RTN4: variants seen among roughly 807,000 people sequenced by gnomAD.
RTN4 encodes reticulon 4, also known as reticulon-4.
In RTN4, 32 loss-of-function variants were observed where a neutral mutation model predicts 90.4. That is an observed-to-expected ratio of 0.35 (90% CI 0.27 to 0.48). RTN4 has a LOEUF of 0.48. Among genes scored for constraint, RTN4 ranks in the 20% least tolerant of loss-of-function variants. RTN4 has a pLI of 0.99. For synonymous variants in RTN4, 629 were observed against 552.5 expected, an observed-to-expected ratio of 1.14 and a Z score of -1.94; for missense variants, 1,706 against 1,430.2, an observed-to-expected ratio of 1.19 and a Z score of -3.11.
chr2:54,992,141 C>T (rs1374810722), intron 3 of RTN4, among the ~76,000 whole-genome samples: 2 of 152,146 alleles, frequency 1.3e-5, no homozygotes, highest in East Asian at 3.9e-4. Flanking sequence ...CTGGGAAACA[C>T]AGAGACCCCT....
chr2:55,071,119 C>G (rs1171895687), intron 2 of RTN4, among the ~76,000 whole-genome samples: 1 of 150,304 alleles, frequency 6.7e-6, no homozygotes, highest in African/African-American at 2.4e-5. Context: ...TTTGAAACTC[C>G]AAGCCCAGTC....
chr2:55,058,514 CAGCTTCTGAA>C (rs776290664), intron 2 of RTN4, among the ~76,000 whole-genome samples: 118 of 152,218 alleles, frequency 7.8e-4, no homozygotes, highest in Non-Finnish European at 1.4e-3. Context: ...CTATGCTTAA[CAGCTTCTGAA>C]CTTTTTGTTG....
Position 54,973,176 on chromosome 2 carries a change from A to G in RTN4, c.3559T>C (p.Leu1187=), listed in dbSNP as rs374758525. The G allele has an allele frequency of 5.0e-6, 8 of 1,604,968 alleles. No homozygotes were observed. In the African/African-American group the frequency reaches 9.4e-5, roughly 19 times the overall value. The change falls in exon 9 of 9, where the codon TTG becomes CTG. Residue 1187 remains leucine (L), a synonymous_variant. Transcript: ENST00000337526. ...MAKIQAKIPG[L]KRKAE The stretch of plus-strand genomic sequence containing the variant: ...CGTTTTCATTCAGCTTTGCGCTTCA[A>G]TCCAGGGATTTTTGCTTGGATTCTG...
chr2:55,014,224 A>C (rs1055782311), intron 3 of RTN4, among the ~76,000 whole-genome samples: 1 of 152,172 alleles, frequency 6.6e-6, no homozygotes, highest in African/African-American at 2.4e-5. Flanking sequence ...ATGACAGTAC[A>C]AGTTAAAATA....
At chr2:55,044,159 T>C (rs1683258684) in intron 1 of RTN4, among the ~76,000 whole-genome samples, 1 of 152,162 alleles carries the variant, frequency 6.6e-6, no homozygotes, top group Non-Finnish European at 1.5e-5. Flanking sequence ...TGCACCACTA[T>C]ACTTTAGCCT....
intron 3 of RTN4, 88 bp from the exon 4 acceptor site, chr2:54,987,786 T>A: frequency 9.8e-7 from 1 of 1,021,498 alleles, no homozygotes; most frequent in Non-Finnish European, 1.5e-6. Context: ...CGCTACTACA[T>A]AAAGTAAAAT....
chr2:54,978,957 G>T (rs1677892341), intron 5 of RTN4, among the ~76,000 whole-genome samples: 3 of 152,056 alleles, frequency 2.0e-5, no homozygotes, highest in Non-Finnish European at 1.5e-5. Context: ...TTGCTTTAGG[G>T]TGACAGAATA....
intron 3 of RTN4, among the ~76,000 whole-genome samples, chr2:55,008,399 C>T (rs1030530669): frequency 2.0e-5 from 3 of 151,986 alleles, no homozygotes; most frequent in African/African-American, 7.3e-5. Context: ...CCAACTTAAA[C>T]CTTACTCTGT....
intron 3 of RTN4, among the ~76,000 whole-genome samples, chr2:55,018,338 C>G (rs1021355447): frequency 6.6e-6 from 1 of 152,088 alleles, no homozygotes; most frequent in Non-Finnish European, 1.5e-5. Flanking sequence ...AAATCTAGAA[C>G]TGAAACAAAT....
chr2:54,991,154 T>C (rs1678985232), intron 3 of RTN4, among the ~76,000 whole-genome samples: 1 of 152,208 alleles, frequency 6.6e-6, no homozygotes, highest in South Asian at 2.1e-4. Context: ...GAAACATTAA[T>C]TAACCTTCAA....
Position 55,025,622 on chromosome 2 carries a change from T to C in RTN4, c.2477A>G (p.Glu826Gly), listed in dbSNP as rs1250370857. The stretch of plus-strand genomic sequence containing the variant: ...CTCCTCCATCTGCAAAGGAATTTTC[T>C]CCTTTTTGCTCAATGTTGAAACTTC... ...PDEVSTLSKK[E>G]KIPLQMEELS... Residue 826 changes from glutamate (E) to glycine (G), a missense_variant, in exon 3 of 9, where the codon GAG becomes GGG. Transcript: ENST00000337526. 2 of 1,613,624 alleles carry C rather than the reference T, an allele frequency of 1.2e-6. No individual in the cohort carries two copies. Among genetic ancestry groups the C allele is most frequent in the Middle Eastern group, 1.7e-4 (1 of 6,050 alleles).
chr2:55,102,096 G>A (rs1667863054), intron 1 of RTN4, among the ~76,000 whole-genome samples: 1 of 152,166 alleles, frequency 6.6e-6, no homozygotes, highest in East Asian at 1.9e-4. Flanking sequence ...TAAAAATCAT[G>A]AGCACCAAAT....
chr2:54,973,754 C>A lies in RTN4; in HGVS notation c.3477+67G>T, dbSNP rs1039550684. ...AAGACATTGAAAATGGGCACTAATACATCCGTAAATCCCATGTAATAGAGT... is the reference window on the plus strand; with the variant it reads ...AAGACATTGAAAATGGGCACTAATAAATCCGTAAATCCCATGTAATAGAGT... On this transcript the variant is annotated intron_variant, in intron 7 of 8. Transcript: ENST00000337526. The A allele has an allele frequency of 4.6e-6, 7 of 1,536,968 alleles. No individual in the cohort carries two copies. The Admixed American group carries it at 5.1e-5, about 11-fold the overall frequency.
intron 3 of RTN4, among the ~76,000 whole-genome samples, chr2:54,997,565 T>C (rs1390597057): frequency 6.6e-6 from 1 of 152,178 alleles, no homozygotes; most frequent in Non-Finnish European, 1.5e-5. Context: ...ATAGCAGCAT[T>C]ATTCATGATA....
chr2:55,001,321 C>T lies in RTN4; in HGVS notation c.3014-13623G>A, dbSNP rs1304236977. On this transcript the variant is annotated intron_variant, in intron 3 of 8. Coordinates refer to ENST00000337526, the MANE Select transcript of RTN4 (RefSeq NM_020532.5). Reference sequence around the variant, plus strand: ...TTTCACACACATACTCCTTTCCCCACATAACATGAACTAAAAGATGGTTTG... The same window carrying T: ...TTTCACACACATACTCCTTTCCCCATATAACATGAACTAAAAGATGGTTTG... 2.0e-5 allele frequency among the ~76,000 whole-genome samples: 3 copies of T among 152,300 alleles called. 1 individual carries two copies. The highest frequency in any genetic ancestry group is 6.8e-3 in the Middle Eastern group (2 of 294).
chr2:54,982,336 G>C (rs1407821145), intron 5 of RTN4, among the ~76,000 whole-genome samples, 179 bp downstream of exon 5: 1 of 151,976 alleles, frequency 6.6e-6, no homozygotes, highest in African/African-American at 2.4e-5. Flanking sequence ...AAAAAAAAAG[G>C]GAATAGCACT....
At chr2:55,093,584 CATT>C (rs1668978868) in intron 1 of RTN4, among the ~76,000 whole-genome samples, 1 of 152,094 alleles carries the variant, frequency 6.6e-6, no homozygotes, top group Admixed American at 6.5e-5. Context: ...AGCCCTGAGT[CATT>C]ATCTGCATCT....
Position 55,107,403 on chromosome 2 carries a change from CAAAAAAA to C in RTN4, c.-214+5110_-214+5116del, listed in dbSNP as rs35664699. ...TTTGCTGAATGTAAAGACTGAACCT[CAAAAAAA>C]AAAAAAAAAAAAAGGAAAGAAAGAA... On this transcript the variant is annotated intron_variant, in intron 1 of 3. Coordinates refer to the RTN4 transcript ENST00000427710. Among the ~76,000 whole-genome samples, 42 of 101,236 alleles carry C rather than the reference CAAAAAAA, an allele frequency of 4.1e-4. 1 individual carries two copies. Among genetic ancestry groups the C allele is most frequent in the African/African-American group, 1.4e-3 (35 of 25,094 alleles). The allele number at this position is 101,236 out of a possible 152,430, so 66.4% of individuals were successfully genotyped here.
the RTN4 span, among the ~76,000 whole-genome samples, chr2:55,132,638 CCT>C: frequency 3.3e-5 from 5 of 151,744 alleles, no homozygotes; most frequent in African/African-American, 9.7e-5. Flanking sequence ...ATGGTATACC[CCT>C]GTCTCTACAA....
Sources: gnomAD v4.1 joint callset for allele counts (sites outside exome capture counted in the v4.1 genomes callset) on GRCh38, gnomAD v4.1.1 for gene constraint, MANE v1.5 for transcripts, NCBI Gene and HGNC (gene_info 2026-07-23, HGNC 2026-07-21) for gene names.